Variants in WWOX observed in about 807,000 individuals in gnomAD.
WWOX encodes the protein WW domain containing oxidoreductase, also known as WW domain-containing oxidoreductase.
A neutral mutation model predicts 46.2 loss-of-function variants in WWOX; 69 were observed. The ratio of observed to expected loss-of-function variants is 1.49; its 90% CI spans 1.23 to 1.82. WWOX has a LOEUF of 1.82. WWOX is among the 40% of genes most tolerant of loss of function. The probability of loss-of-function intolerance (pLI) is 0.00; values close to 1 mark genes in which losing one functional copy is unlikely to be tolerated. For missense variants in WWOX, 919 were observed against 542.6 expected (o/e 1.69, Z -6.89); for synonymous variants, 359 against 202.6 (o/e 1.77, Z -6.56).
intron 8 of WWOX, among the ~76,000 whole-genome samples, chr16:78,735,365 A>C (rs1038190915): frequency 2.1e-5 from 3 of 145,012 alleles, no homozygotes; most frequent in African/African-American, 8.1e-5. Context: ...AATCAGAACC[A>C]ATAAGAGATG....
chr16:78,713,324 T>C (rs1597479670), intron 8 of WWOX, among the ~76,000 whole-genome samples: 4 of 144,724 alleles, frequency 2.8e-5, no homozygotes, highest in Admixed American at 2.8e-4. Flanking sequence ...CCCCAAAACT[T>C]CTAGACAGGG....
At chr16:78,739,037 A>C (rs142747877) in intron 8 of WWOX, among the ~76,000 whole-genome samples, 1 of 152,146 alleles carries the variant, frequency 6.6e-6, no homozygotes, top group Non-Finnish European at 1.5e-5. Flanking sequence ...TCCTGGTTGG[A>C]TAGACTTCCT....
At chr16:78,124,107 C>G (rs1180575446) in intron 4 of WWOX, 1 of 151,934 alleles carries the variant, frequency 6.6e-6, no homozygotes, top group East Asian at 1.9e-4. Context: ...TACAAAACTG[C>G]TTATTTTCAA....
chr16:78,244,827 C>T (rs997702288), intron 5 of WWOX, among the ~76,000 whole-genome samples: 3 of 152,138 alleles, frequency 2.0e-5, no homozygotes, highest in African/African-American at 7.2e-5. Flanking sequence ...TTCTTTCCCC[C>T]TTGGAGTTCT....
intron 8 of WWOX, chr16:78,506,689 T>G (rs1377041241): frequency 5.4e-5 from 3 of 55,600 alleles, no homozygotes; most frequent in Non-Finnish European, 1.3e-4. Context: ...CTCTACCTTT[T>G]TGTGTGTTTT....
chr16:79,002,630 C>G (rs543476411), intron 8 of WWOX, among the ~76,000 whole-genome samples: 2 of 152,150 alleles, frequency 1.3e-5, no homozygotes, highest in Non-Finnish European at 2.9e-5. Flanking sequence ...TTGCATGAGG[C>G]CCTTTATTAA....
intron 4 of WWOX, among the ~76,000 whole-genome samples, chr16:78,144,472 T>TATATATATATATACAC (rs2034116314): frequency 9.8e-5 from 3 of 30,502 alleles, no homozygotes; most frequent in East Asian, 1.4e-3. Flanking sequence ...TACACACATA[T>TATATATATATATACAC]ATATATATAT....
At chr16:78,639,642 C>T (rs564193074) in intron 8 of WWOX, among the ~76,000 whole-genome samples, 203 of 152,016 alleles carry the variant, frequency 1.3e-3, no homozygotes, top group African/African-American at 4.6e-3. Context: ...TGGCTCACTG[C>T]AACCTCTGCC....
intron 8 of WWOX, among the ~76,000 whole-genome samples, chr16:78,947,233 G>C (rs1306313791): frequency 6.6e-6 from 1 of 152,066 alleles, no homozygotes; most frequent in Admixed American, 6.5e-5. Flanking sequence ...GCCTGCAAAT[G>C]AGTTTGCTAA....
At chr16:78,943,795 T>C (rs1194366790) in intron 8 of WWOX, among the ~76,000 whole-genome samples, 2 of 152,056 alleles carry the variant, frequency 1.3e-5, no homozygotes, top group Admixed American at 1.3e-4. Context: ...GGGAAATCTT[T>C]CCCACCGCAC....
intron 8 of WWOX, among the ~76,000 whole-genome samples, chr16:78,965,784 T>G (rs2046353221): frequency 6.6e-6 from 1 of 152,198 alleles, no homozygotes; most frequent in African/African-American, 2.4e-5. Context: ...TGTCCTTCAC[T>G]CAGTGATGTT....
At chr16:79,094,078 C>G (rs771251497) in intron 8 of WWOX, among the ~76,000 whole-genome samples, 1 of 152,146 alleles carries the variant, frequency 6.6e-6, no homozygotes, top group Non-Finnish European at 1.5e-5. Flanking sequence ...AAGTGCCCAC[C>G]TAGCACTCAT....
At chr16:78,354,312 C>CTTTTTTT (rs55635025) in intron 5 of WWOX, among the ~76,000 whole-genome samples, 71,826 of 122,402 alleles carry the variant, frequency 0.59, 22,229 homozygotes, top group Non-Finnish European at 0.64. Flanking sequence ...ATGTGCTTAA[C>CTTTTTTT]TTTTTTTTTT....
At chr16:78,233,666 A>G (rs984962163) in intron 5 of WWOX, among the ~76,000 whole-genome samples, 3 of 151,600 alleles carry the variant, frequency 2.0e-5, no homozygotes, top group Non-Finnish European at 2.9e-5. Context: ...AGCTGGGACT[A>G]CAGGCGCCTG....
chr16:78,528,065 C>G (rs1445666878), intron 8 of WWOX, among the ~76,000 whole-genome samples: 1 of 130,282 alleles, frequency 7.7e-6, no homozygotes, highest in Non-Finnish European at 1.5e-5. Context: ...GTGGCGTAAT[C>G]TCGGCTCACT....
At chr16:78,113,462 C>CT (rs1392444224) in intron 3 of WWOX, among the ~76,000 whole-genome samples, 3 of 152,200 alleles carry the variant, frequency 2.0e-5, no homozygotes, top group Non-Finnish European at 4.4e-5. Context: ...TCCAATAAAA[C>CT]TTTATTTACA....
intron 8 of WWOX, among the ~76,000 whole-genome samples, chr16:78,846,555 T>C (rs1309922606): frequency 1.3e-5 from 2 of 152,154 alleles, no homozygotes; most frequent in African/African-American, 4.8e-5. Flanking sequence ...TTGGGAGGAA[T>C]ATACATAAGT....
chr16:78,454,095 C>T (rs1294943121), intron 8 of WWOX, among the ~76,000 whole-genome samples: 1 of 152,114 alleles, frequency 6.6e-6, no homozygotes, highest in Non-Finnish European at 1.5e-5. Context: ...AGAAATTCCC[C>T]AGCAAGCCTC....
intron 8 of WWOX, among the ~76,000 whole-genome samples, chr16:79,121,950 C>G (rs2049642085): frequency 1.3e-5 from 2 of 152,142 alleles, no homozygotes; most frequent in South Asian, 4.2e-4. Context: ...TGAACAAAAC[C>G]CTACTTACGT....
Sources: allele counts gnomAD v4.1 joint callset (sites outside exome capture counted in the v4.1 genomes callset), GRCh38; gene constraint gnomAD v4.1.1; transcripts MANE v1.5; gene names NCBI Gene and HGNC (gene_info 2026-07-23, HGNC 2026-07-21).